SRD5A2: variants seen among roughly 807,000 people sequenced by gnomAD.
The protein encoded by SRD5A2 is steroid 5 alpha-reductase 2.
A neutral mutation model predicts 27.4 loss-of-function variants in SRD5A2; 30 were observed. That is an observed-to-expected ratio of 1.10 (90% CI 0.82 to 1.49). SRD5A2 has a LOEUF of 1.49. Among genes scored for constraint, SRD5A2 ranks in the 40% most tolerant of loss-of-function variants. The pLI, the probability that SRD5A2 is intolerant of heterozygous loss-of-function variation, is 0.00. For missense variants in SRD5A2, 348 were observed against 323.4 expected (o/e 1.08, Z -0.58); for synonymous variants, 141 against 133.6 (o/e 1.06, Z -0.38).
chr2:31,613,813 G>C, the SRD5A2 span, among the ~76,000 whole-genome samples: 1 of 152,134 alleles, frequency 6.6e-6, no homozygotes, highest in Non-Finnish European at 1.5e-5. Flanking sequence ...GGGGAAGCAA[G>C]ACATGTCTTG....
In SRD5A2 at chr2:31,547,533, T is replaced by C. The variant is rs565211522; in HGVS notation, c.282-13767A>G. Among the ~76,000 whole-genome samples the C allele has an allele frequency of 2.6e-5, 4 of 152,322 alleles. No individual in the cohort carries two copies. In the South Asian group the frequency reaches 8.3e-4, roughly 32 times the overall value. On this transcript the variant is annotated intron_variant, in intron 1 of 4. Coordinates refer to ENST00000622030, the MANE Select transcript of SRD5A2 (RefSeq NM_000348.4). Reference sequence around the variant, plus strand: ...CTTGATCTGTCTTCTGGAGCCAGAATTCATTTCTTCTACCCTTTTCAAGTG... The same window carrying C: ...CTTGATCTGTCTTCTGGAGCCAGAACTCATTTCTTCTACCCTTTTCAAGTG...
upstream of SRD5A2, among the ~76,000 whole-genome samples, chr2:31,584,086 C>G (rs559665395): frequency 9.6e-4 from 146 of 152,198 alleles, no homozygotes; most frequent in African/African-American, 3.2e-3. Flanking sequence ...AATAGTGGCC[C>G]AGGGTGTAGA....
the SRD5A2 span, among the ~76,000 whole-genome samples, chr2:31,619,026 G>A: frequency 6.6e-6 from 1 of 152,058 alleles, no homozygotes; most frequent in Non-Finnish European, 1.5e-5. Context: ...TTTTTCCAAA[G>A]CATATATACA....
At chr2:31,630,303 G>A in the SRD5A2 span, among the ~76,000 whole-genome samples, 2 of 152,128 alleles carry the variant, frequency 1.3e-5, no homozygotes, top group South Asian at 4.1e-4. Flanking sequence ...GATACAGAGA[G>A]AGAGAGACAG....
chr2:31,585,277 G>T (rs1244340609), upstream of SRD5A2, among the ~76,000 whole-genome samples: 1 of 152,186 alleles, frequency 6.6e-6, no homozygotes, highest in Non-Finnish European at 1.5e-5. Flanking sequence ...TAGGGCCAGA[G>T]ACAGTGGACT....
chr2:31,587,847 G>A, the SRD5A2 span, among the ~76,000 whole-genome samples: 1 of 152,068 alleles, frequency 6.6e-6, no homozygotes, highest in African/African-American at 2.4e-5. Context: ...AAACTACCAT[G>A]GCACATGTAT....
At chr2:31,554,774 AT>A (rs1041357694) in intron 1 of SRD5A2, among the ~76,000 whole-genome samples, 1 of 152,190 alleles carries the variant, frequency 6.6e-6, no homozygotes, top group African/African-American at 2.4e-5. Context: ...CATTACTCAA[AT>A]GGTAGAAATT....
the SRD5A2 span, among the ~76,000 whole-genome samples, chr2:31,631,485 TC>T: frequency 1.5e-4 from 23 of 151,378 alleles, no homozygotes; most frequent in African/African-American, 5.1e-4. Flanking sequence ...TGGGAAACGT[TC>T]CCCCCCAAGG....
At chr2:31,564,853 A>G (rs1298136430) in intron 1 of SRD5A2, among the ~76,000 whole-genome samples, 4 of 151,996 alleles carry the variant, frequency 2.6e-5, no homozygotes, top group African/African-American at 9.6e-5. Flanking sequence ...TTCTGATTTC[A>G]GGTAAAAGGA....
At chr2:31,623,195 T>C in the SRD5A2 span, among the ~76,000 whole-genome samples, 1 of 152,064 alleles carries the variant, frequency 6.6e-6, no homozygotes, top group Non-Finnish European at 1.5e-5. Flanking sequence ...ATGTTGCAAA[T>C]TGTCTCTAAT....
At chr2:31,657,616 T>TA in the SRD5A2 span, among the ~76,000 whole-genome samples, 3 of 152,086 alleles carry the variant, frequency 2.0e-5, no homozygotes, top group African/African-American at 4.8e-5. Context: ...ACCCGAATAA[T>TA]AAAAAACTAA....
chr2:31,630,122 C>T, the SRD5A2 span, among the ~76,000 whole-genome samples: 2 of 152,194 alleles, frequency 1.3e-5, no homozygotes, highest in Admixed American at 6.5e-5. Context: ...TTGTAAGATG[C>T]TCTCCTCCCC....
chr2:31,659,903 T>C, the SRD5A2 span, among the ~76,000 whole-genome samples: 4 of 152,114 alleles, frequency 2.6e-5, no homozygotes, highest in African/African-American at 7.2e-5. Flanking sequence ...CCACTGATAG[T>C]CTTTTTATTT....
the SRD5A2 span, among the ~76,000 whole-genome samples, chr2:31,648,514 A>AT: frequency 6.6e-6 from 1 of 152,166 alleles, no homozygotes; most frequent in African/African-American, 2.4e-5. Flanking sequence ...TATGGACCAA[A>AT]TTTTATGCCA....
the SRD5A2 span, among the ~76,000 whole-genome samples, chr2:31,598,544 G>C: frequency 6.6e-6 from 1 of 151,854 alleles, no homozygotes; most frequent in South Asian, 2.1e-4. Flanking sequence ...GTTTCTATTA[G>C]TTTTATTTTT....
chr2:31,619,390 G>A, the SRD5A2 span, among the ~76,000 whole-genome samples: 1 of 152,070 alleles, frequency 6.6e-6, no homozygotes, highest in Admixed American at 6.6e-5. Context: ...GAATAGTGCT[G>A]TAATGAACAT....
intron 1 of SRD5A2, among the ~76,000 whole-genome samples, chr2:31,537,894 C>T (rs1276979458): frequency 6.6e-6 from 1 of 152,114 alleles, no homozygotes; most frequent in Non-Finnish European, 1.5e-5. Context: ...CACCTTCTGC[C>T]TTCCTCCACG....
chr2:31,640,881 C>G, the SRD5A2 span, among the ~76,000 whole-genome samples: 1 of 152,188 alleles, frequency 6.6e-6, no homozygotes, highest in Non-Finnish European at 1.5e-5. Flanking sequence ...AGTCTCCTGC[C>G]AGGGAACCCA....
At chr2:31,529,015 C>T (rs974104490) in intron 4 of SRD5A2, among the ~76,000 whole-genome samples, 1 of 152,240 alleles carries the variant, frequency 6.6e-6, no homozygotes, top group Non-Finnish European at 1.5e-5. Flanking sequence ...GCTGGACAGC[C>T]TTCTTCAACA....
Sources: allele counts gnomAD v4.1 joint callset (sites outside exome capture counted in the v4.1 genomes callset), GRCh38; gene constraint gnomAD v4.1.1; transcripts MANE v1.5; gene names NCBI Gene and HGNC (gene_info 2026-07-23, HGNC 2026-07-21).